The following SLC9A6 variants were observed in gnomAD, a reference collection of about 807,000 sequenced individuals.
SLC9A6 encodes the protein solute carrier family 9 member A6.
SLC9A6 carries 6 observed loss-of-function variants against 45.3 expected under a neutral mutation model. That is an observed-to-expected ratio of 0.13 (90% confidence interval 0.07 to 0.26). The LOEUF (loss-of-function observed/expected upper bound fraction) is 0.26. Among genes scored for constraint, SLC9A6 ranks in the 10% least tolerant of loss-of-function variants. The probability of loss-of-function intolerance (pLI) is 1.00; values close to 1 mark genes in which losing one functional copy is unlikely to be tolerated. For synonymous variants in SLC9A6, 191 were observed against 187.7 expected, an observed-to-expected ratio of 1.02 and a Z score of -0.14; for missense variants, 278 against 503.7, an observed-to-expected ratio of 0.55 and a Z score of 4.29.
intron 10 of SLC9A6, among the ~76,000 whole-genome samples, chrX:136,014,608 T>G (rs782478529): frequency 8.9e-6 from 1 of 112,655 alleles, no homozygotes. Flanking sequence ...CTACTAAAAA[T>G]ACAAAAATTA....
intron 1 of SLC9A6, among the ~76,000 whole-genome samples, chrX:135,979,553 C>T (rs1015269693): frequency 9.0e-6 from 1 of 111,711 alleles, no homozygotes. Context: ...AGGTTCAAAC[C>T]TTTGGAGTCA....
At chrX:136,007,694 C>A in intron 7 of SLC9A6, among the ~76,000 whole-genome samples, 1 of 111,174 alleles carries the variant, frequency 9.0e-6, no homozygotes, top group Non-Finnish European at 1.9e-5. Context: ...ATATACTTTT[C>A]TGTAGCTTTT....
intron 2 of SLC9A6, among the ~76,000 whole-genome samples, chrX:135,988,472 C>T (rs112811058): frequency 3.2e-5 from 3 of 94,272 alleles, no homozygotes; most frequent in Non-Finnish European, 4.2e-5. Flanking sequence ...TTCTTTCTTT[C>T]TTTTCTTTCT....
chrX:136,027,863 G>A (rs781797333), intron 13 of SLC9A6, among the ~76,000 whole-genome samples: 6 of 112,462 alleles, frequency 5.3e-5, no homozygotes, highest in African/African-American at 9.7e-5. Flanking sequence ...TGTGAACGGT[G>A]GATCCACAGT....
chrX:136,010,930 CTT>C (rs1335858689), intron 8 of SLC9A6, among the ~76,000 whole-genome samples: 2 of 112,347 alleles, frequency 1.8e-5, no homozygotes, highest in African/African-American at 6.5e-5. Context: ...GCCTGGCAGT[CTT>C]TTGCTCTTTG....
chrX:135,989,821 CT>C (rs1282508670), intron 2 of SLC9A6, among the ~76,000 whole-genome samples: 19 of 111,561 alleles, frequency 1.7e-4, no homozygotes, highest in Admixed American at 1.5e-3. Context: ...CACTGGGAGA[CT>C]TTTCAGCACA....
intron 7 of SLC9A6, among the ~76,000 whole-genome samples, chrX:136,004,812 C>T (rs1380838843): frequency 1.8e-5 from 2 of 111,999 alleles, no homozygotes; most frequent in Non-Finnish European, 1.9e-5. Context: ...TGATACTGAA[C>T]TTTAGCACCT....
intron 10 of SLC9A6, among the ~76,000 whole-genome samples, chrX:136,015,475 AG>A (rs2071001711): frequency 9.0e-6 from 1 of 111,688 alleles, no homozygotes; most frequent in African/African-American, 3.2e-5. Context: ...CTGTGTGACC[AG>A]GAGGAAGTTC....
intron 16 of SLC9A6, among the ~76,000 whole-genome samples, chrX:136,039,312 TAAATG>T (rs1438441567): frequency 9.3e-6 from 1 of 108,093 alleles, no homozygotes; most frequent in Non-Finnish European, 1.9e-5. Flanking sequence ...AAAAAAAAAA[TAAATG>T]AATAAATAAA....
Position 135,996,765 on chromosome X carries a change from G to GT in SLC9A6, c.370-1340dup, listed in dbSNP as rs1480290558. On this transcript the variant is annotated intron_variant, in intron 3 of 17. Transcript: ENST00000630721. ...GTTGTTGTTGTTTTTGTTTTTTTTT[G>GT]TTTGTTTGTTTGTTTGTTTGAGACA... 3.8e-5 allele frequency among the ~76,000 whole-genome samples: 4 copies of GT among 106,444 alleles called. No individual in the cohort carries two copies. In the Admixed American group the frequency reaches 4.0e-4, roughly 11 times the overall value. The allele number at this position is 106,444 out of a possible 115,157, so 92.4% of individuals were successfully genotyped here.
At position 136,039,377 on chromosome X, in the gene SLC9A6, T is replaced by A. The variant is rs901329128; in HGVS notation, c.1662-699T>A. ...TATCCTTTTCTCCTTTTTCTTGTGA[T>A]TCCCTCTTTTTTCTTCTGAGTGTCA... is the stretch of plus-strand genomic sequence containing the variant. On this transcript the variant is annotated intron_variant, in intron 16 of 17. Transcript: ENST00000630721. Among the ~76,000 whole-genome samples the A allele has an allele frequency of 3.6e-5, 4 of 111,185 alleles. No homozygotes were observed. The East Asian group carries it at 1.1e-3, about 31-fold the overall frequency.
chrX:136,018,167 G>C (rs2071056684), intron 11 of SLC9A6, among the ~76,000 whole-genome samples: 1 of 112,258 alleles, frequency 8.9e-6, no homozygotes, highest in African/African-American at 3.2e-5. Flanking sequence ...TGAATACTAA[G>C]AGGCAGGGAT....
intron 15 of SLC9A6, chrX:136,030,520 T>G (rs1322888504): frequency 4.6e-6 from 1 of 219,635 alleles, no homozygotes; most frequent in East Asian, 1.0e-4. Flanking sequence ...TTGTCTCTGA[T>G]GTAAGCCCCA....
chrX:135,999,161 CTTT>C (rs1241262472), intron 6 of SLC9A6, among the ~76,000 whole-genome samples, 193 bp downstream of exon 6: 1 of 100,292 alleles, frequency 1.0e-5, no homozygotes, highest in African/African-American at 3.6e-5. Context: ...TTTCCTTTTC[CTTT>C]TTTTTTTTTT....
chrX:135,985,791 C>T lies in SLC9A6; in HGVS notation c.133C>T (p.Arg45Cys). The T allele has an allele frequency of 8.3e-7, 1 of 1,211,669 alleles. No homozygotes were observed. Among genetic ancestry groups the T allele is most frequent in the Non-Finnish European group, 1.1e-6 (1 of 895,490 alleles). Residue 45 changes from arginine (R) to cysteine (C), a missense_variant, in exon 2 of 18, where the codon CGC becomes TGC. Arg to Cys is a radical substitution (Grantham distance 180). Transcript: ENST00000630721. Reference protein sequence around the residue: ...TIWLFKHRRARFLHETGLAMI... With the variant: ...TIWLFKHRRACFLHETGLAMI... ...CTGGCTCTTCAAGCACCGCCGGGCC[C>T]GCTTCCTGCACGAAACCGGCCTGGC...
At chrX:135,993,019 T>A (rs1348687359) in intron 2 of SLC9A6, among the ~76,000 whole-genome samples, 2 of 112,189 alleles carry the variant, frequency 1.8e-5, no homozygotes, top group Non-Finnish European at 3.8e-5. Context: ...TGGTATACTA[T>A]GCATGGAGTT....
chrX:135,974,960 T>A (rs782232034), intron 1 of SLC9A6: 3 of 237,078 alleles, frequency 1.3e-5, no homozygotes, highest in South Asian at 9.0e-5. Flanking sequence ...CCTCTGCCCA[T>A]TTTTCTTTGT....
At chrX:135,977,560 T>C in intron 1 of SLC9A6, among the ~76,000 whole-genome samples, 1 of 112,272 alleles carries the variant, frequency 8.9e-6, no homozygotes, top group Non-Finnish European at 1.9e-5. Context: ...CTATTATAGA[T>C]ATTTATGAGA....
chrX:135,973,972 T>C (rs782672023), upstream of SLC9A6: 12 of 1,039,785 alleles, frequency 1.2e-5, no homozygotes, highest in South Asian at 2.2e-4. Context: ...AAGCGGGAGC[T>C]ACGGGGAAGC....
Sources: gnomAD v4.1 joint callset for allele counts (sites outside exome capture counted in the v4.1 genomes callset) on GRCh38, gnomAD v4.1.1 for gene constraint, MANE v1.5 for transcripts, NCBI Gene and HGNC (gene_info 2026-07-23, HGNC 2026-07-21) for gene names.